SLCO3A1: variants seen among roughly 807,000 people sequenced by gnomAD.
The protein encoded by SLCO3A1 is solute carrier organic anion transporter family member 3A1, also known as PGE1 transporter.
In SLCO3A1, 27 loss-of-function variants were observed where a neutral mutation model predicts 63.1. The ratio of observed to expected loss-of-function variants is 0.43; its 90% CI spans 0.32 to 0.59. SLCO3A1 has a LOEUF of 0.59. Ranked by LOEUF, SLCO3A1 falls within the 20% of genes least tolerant of loss-of-function variation. The pLI is 0.09. For missense variants in SLCO3A1, 773 were observed against 945.8 expected (o/e 0.82, Z 2.40); for synonymous variants, 473 against 409.9 (o/e 1.15, Z -1.86).
chr15:91,965,526 C>A (rs1398454615), intron 2 of SLCO3A1, among the ~76,000 whole-genome samples: 4 of 152,110 alleles, frequency 2.6e-5, no homozygotes, highest in Non-Finnish European at 5.9e-5. Context: ...ATTGAGACTC[C>A]CACCCCACCC....
chr15:91,930,169 G>C (rs1899175173), intron 2 of SLCO3A1, among the ~76,000 whole-genome samples: 1 of 152,104 alleles, frequency 6.6e-6, no homozygotes, highest in Non-Finnish European at 1.5e-5. Flanking sequence ...AAAAGCTCCA[G>C]CCTCTCATGG....
chr15:92,049,141 T>G (rs567039491), intron 2 of SLCO3A1, among the ~76,000 whole-genome samples: 1 of 152,266 alleles, frequency 6.6e-6, no homozygotes, highest in African/African-American at 2.4e-5. Context: ...TTGATAGGGT[T>G]TATTTTAAGG....
intron 2 of SLCO3A1, among the ~76,000 whole-genome samples, chr15:91,971,138 G>C (rs1403533783): frequency 6.6e-6 from 1 of 152,172 alleles, no homozygotes; most frequent in East Asian, 1.9e-4. Context: ...GCTCACACCT[G>C]TAATCTTAGC....
At chr15:92,090,932 G>C (rs1033411853) in intron 2 of SLCO3A1, among the ~76,000 whole-genome samples, 3 of 152,210 alleles carry the variant, frequency 2.0e-5, no homozygotes, top group African/African-American at 7.2e-5. Flanking sequence ...AGAAGAAGAA[G>C]CTGAGGCATG....
intron 9 of SLCO3A1, among the ~76,000 whole-genome samples, chr15:92,156,230 GATGAGAGGGA>G (rs2048370104): frequency 6.6e-6 from 1 of 152,212 alleles, no homozygotes; most frequent in South Asian, 2.1e-4. Context: ...CCAGGTGAGA[GATGAGAGGGA>G]GTGAGATACG....
At chr15:92,092,741 C>T (rs1169849978) in intron 2 of SLCO3A1, among the ~76,000 whole-genome samples, 2 of 152,188 alleles carry the variant, frequency 1.3e-5, no homozygotes, top group African/African-American at 4.8e-5. Flanking sequence ...TAATTCTAGC[C>T]CATTCCGAAA....
intron 2 of SLCO3A1, among the ~76,000 whole-genome samples, chr15:91,983,046 T>A (rs1454673285): frequency 6.6e-6 from 1 of 152,214 alleles, no homozygotes; most frequent in African/African-American, 2.4e-5. Context: ...GATGATCCTC[T>A]CCAGGTATCC....
intron 2 of SLCO3A1, among the ~76,000 whole-genome samples, chr15:92,089,979 G>A (rs992375198): frequency 8.5e-5 from 13 of 152,156 alleles, no homozygotes; most frequent in African/African-American, 3.1e-4. Flanking sequence ...CTTAGTAAGT[G>A]TTGCTATCCT....
At chr15:91,951,122 G>A (rs112701730) in intron 2 of SLCO3A1, among the ~76,000 whole-genome samples, 6,944 of 152,148 alleles carry the variant, frequency 0.046, 373 homozygotes, top group African/African-American at 0.13. Flanking sequence ...GTAAAGTCCT[G>A]TGGTTTTTAG....
intron 2 of SLCO3A1, among the ~76,000 whole-genome samples, chr15:92,012,375 A>G (rs1244708963): frequency 2.0e-5 from 3 of 152,180 alleles, no homozygotes; most frequent in Non-Finnish European, 4.4e-5. Context: ...AAGGTTTTCA[A>G]GGTCCCTTCC....
downstream of SLCO3A1, among the ~76,000 whole-genome samples, chr15:92,167,600 C>T (rs1422096370): frequency 1.3e-5 from 2 of 152,214 alleles, no homozygotes; most frequent in Non-Finnish European, 2.9e-5. Context: ...GGACCCCACG[C>T]CCCTAGTGTA....
chr15:92,012,912 G>A (rs1400785), intron 2 of SLCO3A1, among the ~76,000 whole-genome samples: 3,391 of 152,236 alleles, frequency 0.022, 64 homozygotes, highest in South Asian at 0.063. Context: ...AAAAGAAAAT[G>A]GCATTTGTTG....
intron 7 of SLCO3A1, among the ~76,000 whole-genome samples, chr15:92,131,315 T>C (rs2047993033): frequency 6.6e-6 from 1 of 151,792 alleles, no homozygotes; most frequent in African/African-American, 2.4e-5. Context: ...GCCTTTACCA[T>C]CTGGCCCTGG....
intron 2 of SLCO3A1, among the ~76,000 whole-genome samples, chr15:92,012,991 C>T (rs912984186): frequency 6.6e-6 from 1 of 152,210 alleles, no homozygotes; most frequent in Non-Finnish European, 1.5e-5. Context: ...TTAAAAGACC[C>T]TGCGTCACAC....
At chr15:91,958,660 A>G (rs1193792285) in intron 2 of SLCO3A1, among the ~76,000 whole-genome samples, 1 of 152,226 alleles carries the variant, frequency 6.6e-6, no homozygotes, top group Non-Finnish European at 1.5e-5. Flanking sequence ...AGCTTTACCA[A>G]GATAAAATTC....
At chr15:91,909,731 A>G (rs955166689) in intron 1 of SLCO3A1, among the ~76,000 whole-genome samples, 1 of 152,102 alleles carries the variant, frequency 6.6e-6, no homozygotes, top group African/African-American at 2.4e-5. Flanking sequence ...CTCACCCTTC[A>G]CAAGCGCTCC....
At chr15:91,901,485 G>A (rs191511082) in intron 1 of SLCO3A1, among the ~76,000 whole-genome samples, 260 of 152,154 alleles carry the variant, frequency 1.7e-3, no homozygotes, top group Admixed American at 2.3e-3. Context: ...ATATGGTATC[G>A]TTTCCTTTCC....
intron 1 of SLCO3A1, among the ~76,000 whole-genome samples, chr15:91,867,937 G>C (rs1237822469): frequency 6.6e-6 from 1 of 152,228 alleles, no homozygotes; most frequent in African/African-American, 2.4e-5. Context: ...GTGGCCGGCC[G>C]ATCCAAGCGC....
intron 2 of SLCO3A1, among the ~76,000 whole-genome samples, chr15:91,933,223 C>T (rs1280427446): frequency 1.3e-5 from 2 of 151,988 alleles, no homozygotes; most frequent in Non-Finnish European, 2.9e-5. Flanking sequence ...CTCCAATGAA[C>T]AATTAAGTTT....
Sources: gnomAD v4.1 joint callset for allele counts (sites outside exome capture counted in the v4.1 genomes callset) on GRCh38, gnomAD v4.1.1 for gene constraint, MANE v1.5 for transcripts, NCBI Gene and HGNC (gene_info 2026-07-23, HGNC 2026-07-21) for gene names.